Variants in APBB2 observed in about 807,000 individuals in gnomAD.
The protein encoded by APBB2 is Fe65-like 1.
A neutral mutation model predicts 82.5 loss-of-function variants in APBB2; 38 were observed. The observed-to-expected ratio is 0.46, with a 90% CI of 0.36 to 0.60. APBB2 has a LOEUF of 0.60. APBB2 is among the 20% of genes least tolerant of loss of function. APBB2 has a pLI of 0.00. For synonymous variants in APBB2, 341 were observed against 368.2 expected (o/e 0.93, Z 0.85); for missense variants, 772 against 972.3 (o/e 0.79, Z 2.74).
intron 6 of APBB2, among the ~76,000 whole-genome samples, chr4:40,947,337 G>A (rs1393759583): frequency 2.6e-5 from 4 of 152,212 alleles, no homozygotes; most frequent in African/African-American, 9.6e-5. Context: ...TGTGGTTTAT[G>A]AGGACTGGAG....
chr4:41,204,058 T>G (rs1274578305), intron 1 of APBB2, among the ~76,000 whole-genome samples: 2 of 145,824 alleles, frequency 1.4e-5, no homozygotes, highest in South Asian at 2.2e-4. Context: ...AGAGAATGTT[T>G]AAGCTACTTC....
At chr4:41,148,857 A>C (rs1046714252) in intron 1 of APBB2, among the ~76,000 whole-genome samples, 7 of 152,184 alleles carry the variant, frequency 4.6e-5, no homozygotes, top group Admixed American at 4.6e-4. Flanking sequence ...TTCTGCTTTA[A>C]TGGGGCTGAC....
chr4:41,164,019 A>C (rs1040212110), intron 1 of APBB2, among the ~76,000 whole-genome samples: 1 of 152,216 alleles, frequency 6.6e-6, no homozygotes, highest in African/African-American at 2.4e-5. Context: ...GGGTACCTTA[A>C]ACAAAATGCT....
chr4:40,816,415 T>C (rs1306293622), intron 17 of APBB2, among the ~76,000 whole-genome samples, 156 bp from the exon 18 acceptor site: 3 of 152,204 alleles, frequency 2.0e-5, no homozygotes. Flanking sequence ...TGAATGTGAG[T>C]GCTTTAAATT....
chr4:41,184,711 C>T (rs1293006400), intron 1 of APBB2, among the ~76,000 whole-genome samples: 5 of 152,224 alleles, frequency 3.3e-5, no homozygotes, highest in Non-Finnish European at 4.4e-5. Flanking sequence ...AGGTAAACAG[C>T]GTCCATGACT....
At chr4:40,986,791 A>G (rs1267511150) in intron 6 of APBB2, among the ~76,000 whole-genome samples, 2 of 152,252 alleles carry the variant, frequency 1.3e-5, no homozygotes, top group Non-Finnish European at 2.9e-5. Flanking sequence ...TCATTCAAAA[A>G]GATCTTTATT....
chr4:40,897,729 G>T lies in APBB2; in HGVS notation c.1255-4318C>A, dbSNP rs556358987. Among the ~76,000 whole-genome samples, 147 of 152,254 alleles carry T rather than the reference G, an allele frequency of 9.7e-4. 1 individual carries two copies. The highest frequency in any genetic ancestry group is 3.4e-3 in the African/African-American group (141 of 41,558). On this transcript the variant is annotated intron_variant, in intron 10 of 17. Transcript: ENST00000508593. Reference sequence around the variant, plus strand: ...CAGCTCCGCCCGAGGGGCCAGCTTGGCTTCTTCCCAAAGAAGGGAGCAGAA... The same window carrying T: ...CAGCTCCGCCCGAGGGGCCAGCTTGTCTTCTTCCCAAAGAAGGGAGCAGAA...
At chr4:41,037,790 C>T (rs533860523) in intron 4 of APBB2, among the ~76,000 whole-genome samples, 20 of 152,158 alleles carry the variant, frequency 1.3e-4, no homozygotes, top group Admixed American at 3.9e-4. Flanking sequence ...GTGGCTGAGG[C>T]GGGTGGATTA....
chr4:41,068,638 C>A (rs921075656), intron 3 of APBB2, among the ~76,000 whole-genome samples: 4 of 151,958 alleles, frequency 2.6e-5, no homozygotes, highest in Admixed American at 6.6e-5. Flanking sequence ...TAAGTTTTAC[C>A]CCTAAGAGTA....
Position 40,982,400 on chromosome 4 carries a change from G to GAAAGAAAGAAAGAAA in APBB2, c.835+31182_835+31183insTTTCTTTCTTTCTTT, listed in dbSNP as rs1491531264. Among the ~76,000 whole-genome samples, 15 of 16,040 alleles carry GAAAGAAAGAAAGAAA rather than the reference G, an allele frequency of 9.4e-4. 1 individual carries two copies. Among genetic ancestry groups the GAAAGAAAGAAAGAAA allele is most frequent in the South Asian group, 2.4e-3 (1 of 418 alleles). 10.5% of individuals were successfully genotyped at this position (16,040 alleles called of 152,430 possible). Reference sequence around the variant, plus strand: ...GAAGGAAGGAAGGAAGGAAAGGAAAGGAAAGAAAGAAAGAAAGAAAGAAAG... The same window carrying GAAAGAAAGAAAGAAA: ...GAAGGAAGGAAGGAAGGAAAGGAAAGAAAGAAAGAAAGAAAGAAAGAAAGAAAGAAAGAAAGAAAG... On this transcript the variant is annotated intron_variant, in intron 6 of 17. Coordinates refer to ENST00000508593, the MANE Select transcript of APBB2 (RefSeq NM_004307.2).
At chr4:40,891,318 C>CA (rs1289242917) in intron 11 of APBB2, among the ~76,000 whole-genome samples, 1 of 152,188 alleles carries the variant, frequency 6.6e-6, no homozygotes, top group Non-Finnish European at 1.5e-5. Context: ...CTAGACTATT[C>CA]AACTTGATTC....
chr4:41,105,246 A>G (rs1746762584), intron 2 of APBB2, among the ~76,000 whole-genome samples: 1 of 152,250 alleles, frequency 6.6e-6, no homozygotes, highest in African/African-American at 2.4e-5. Context: ...ACTTCCAAAA[A>G]TGCTGACACC....
chr4:40,971,595 C>A (rs1205413459), intron 6 of APBB2, among the ~76,000 whole-genome samples: 2 of 152,112 alleles, frequency 1.3e-5, no homozygotes, highest in Non-Finnish European at 2.9e-5. Context: ...CAATATTTTT[C>A]CCAGAAACGT....
At chr4:41,018,217 T>A (rs372631622) in intron 5 of APBB2, among the ~76,000 whole-genome samples, 1 of 152,344 alleles carries the variant, frequency 6.6e-6, no homozygotes, top group East Asian at 1.9e-4. Flanking sequence ...AAGCCACCAC[T>A]GACTGAGCAC....
intron 3 of APBB2, among the ~76,000 whole-genome samples, chr4:41,100,394 C>T (rs1744951980): frequency 6.6e-6 from 1 of 152,024 alleles, no homozygotes; most frequent in Non-Finnish European, 1.5e-5. Flanking sequence ...TTGTCACAAC[C>T]TTGAGGACTC....
chr4:41,203,698 G>A (rs73810889), intron 1 of APBB2, among the ~76,000 whole-genome samples: 1 of 152,170 alleles, frequency 6.6e-6, no homozygotes. Flanking sequence ...TCCAGGAGCT[G>A]TAAGCCCCAA....
chr4:40,936,698 G>C (rs1054471525), intron 7 of APBB2, among the ~76,000 whole-genome samples: 1 of 152,178 alleles, frequency 6.6e-6, no homozygotes, highest in African/African-American at 2.4e-5. Context: ...AATAAAATGG[G>C]AACTTAGACC....
intron 10 of APBB2, among the ~76,000 whole-genome samples, chr4:40,926,229 C>G (rs1028787749): frequency 7.9e-5 from 12 of 152,286 alleles, no homozygotes; most frequent in African/African-American, 2.4e-4. Context: ...ATTGGTATCA[C>G]CTGCAAACTT....
chr4:41,165,190 G>T (rs753810242), intron 1 of APBB2, among the ~76,000 whole-genome samples: 12 of 146,784 alleles, frequency 8.2e-5, no homozygotes, highest in South Asian at 2.1e-4. Flanking sequence ...TGCCATTGTA[G>T]CGGTGTAGCA....
Sources: gnomAD v4.1 joint callset for allele counts (sites outside exome capture counted in the v4.1 genomes callset) on GRCh38, gnomAD v4.1.1 for gene constraint, MANE v1.5 for transcripts, NCBI Gene and HGNC (gene_info 2026-07-23, HGNC 2026-07-21) for gene names.